Variants in BLTP3A observed in about 807,000 individuals in gnomAD.
The protein encoded by BLTP3A is ICBP90 binding protein 1.
chr6:34,811,786 GA>G, the BLTP3A span, among the ~76,000 whole-genome samples: 1 of 151,938 alleles, frequency 6.6e-6, no homozygotes, highest in Non-Finnish European at 1.5e-5. Context: ...TTGAACCCAG[GA>G]GGTGGTTTGT....
the BLTP3A span, chr6:34,836,281 C>T: frequency 3.1e-6 from 5 of 1,614,204 alleles, no homozygotes; most frequent in Admixed American, 1.7e-5. Flanking sequence ...TGAAAGAGTC[C>T]TCCTACCATC....
the BLTP3A span, chr6:34,877,087 C>T: frequency 6.6e-6 from 1 of 152,564 alleles, no homozygotes; most frequent in African/African-American, 2.4e-5. Context: ...GTGGAATGCC[C>T]CACTGAAGTG....
the BLTP3A span, among the ~76,000 whole-genome samples, chr6:34,852,338 G>A: frequency 4.6e-5 from 7 of 151,658 alleles, no homozygotes; most frequent in Admixed American, 1.3e-4. Flanking sequence ...TTAGTCAGCA[G>A]GCGATGAATC....
chr6:34,827,842 G>C, the BLTP3A span, among the ~76,000 whole-genome samples: 41 of 152,200 alleles, frequency 2.7e-4, no homozygotes, highest in African/African-American at 9.9e-4. Flanking sequence ...ATGTTGCCCA[G>C]GCTGGTCTCG....
the BLTP3A span, among the ~76,000 whole-genome samples, chr6:34,809,921 C>T: frequency 6.6e-6 from 1 of 152,092 alleles, no homozygotes; most frequent in South Asian, 2.1e-4. Flanking sequence ...AGTTGATTGA[C>T]ACATATTTTG....
chr6:34,827,793 G>T, the BLTP3A span, among the ~76,000 whole-genome samples: 1 of 151,984 alleles, frequency 6.6e-6, no homozygotes, highest in Non-Finnish European at 1.5e-5. Context: ...CACCATGCCT[G>T]GCTAATTTTT....
the BLTP3A span, chr6:34,872,039 T>C: frequency 9.4e-7 from 1 of 1,058,702 alleles, no homozygotes; most frequent in South Asian, 1.6e-5. Context: ...TGCATGTGGG[T>C]GTTTTGGGTT....
At chr6:34,820,473 A>C in the BLTP3A span, among the ~76,000 whole-genome samples, 1 of 151,856 alleles carries the variant, frequency 6.6e-6, no homozygotes, top group Admixed American at 6.6e-5. Flanking sequence ...GTTGTTGGTT[A>C]TCTTGGGGTT....
the BLTP3A span, among the ~76,000 whole-genome samples, chr6:34,810,657 A>G: frequency 6.6e-6 from 1 of 151,898 alleles, no homozygotes. Flanking sequence ...TTTTGTAGAG[A>G]TGGGTCTCAC....
the BLTP3A span, chr6:34,856,432 A>T: frequency 6.2e-7 from 1 of 1,605,400 alleles, no homozygotes; most frequent in Non-Finnish European, 8.5e-7. Context: ...GAACTGGAAG[A>T]CTCCAGTTGC....
At chr6:34,852,225 C>T in the BLTP3A span, among the ~76,000 whole-genome samples, 2 of 152,074 alleles carry the variant, frequency 1.3e-5, no homozygotes, top group Admixed American at 1.3e-4. Context: ...GGTAAGAGTG[C>T]ACTGGGTCAC....
chr6:34,845,483 A>G, the BLTP3A span, among the ~76,000 whole-genome samples: 1 of 152,186 alleles, frequency 6.6e-6, no homozygotes, highest in African/African-American at 2.4e-5. Context: ...CAGTGGTACA[A>G]TCATGGCTCA....
chr6:34,818,646 C>CGTTATCCAT, the BLTP3A span, among the ~76,000 whole-genome samples: 9 of 152,048 alleles, frequency 5.9e-5, no homozygotes, highest in African/African-American at 2.2e-4. Flanking sequence ...GAGAAATAAG[C>CGTTATCCAT]GTTATCCATA....
the BLTP3A span, among the ~76,000 whole-genome samples, chr6:34,798,068 C>T: frequency 1.3e-5 from 2 of 152,176 alleles, no homozygotes; most frequent in Admixed American, 6.5e-5. Context: ...TGTCTCCTTC[C>T]AGTCATTATC....
chr6:34,869,707 G>C, the BLTP3A span, among the ~76,000 whole-genome samples: 1 of 135,236 alleles, frequency 7.4e-6, no homozygotes, highest in Admixed American at 8.4e-5. Flanking sequence ...CCGGAGTGCA[G>C]TGGTTGCAAT....
At chr6:34,854,028 C>T in the BLTP3A span, among the ~76,000 whole-genome samples, 1 of 152,052 alleles carries the variant, frequency 6.6e-6, no homozygotes, top group Admixed American at 6.6e-5. Flanking sequence ...TCGAGACTAG[C>T]CCGACCAACA....
chr6:34,833,100 A>G, the BLTP3A span, among the ~76,000 whole-genome samples: 3 of 152,202 alleles, frequency 2.0e-5, no homozygotes, highest in African/African-American at 7.2e-5. Context: ...TTGATCCTTG[A>G]ATAGCACAAG....
chr6:34,796,895 G>T, the BLTP3A span, among the ~76,000 whole-genome samples: 1 of 152,180 alleles, frequency 6.6e-6, no homozygotes, highest in Non-Finnish European at 1.5e-5. Flanking sequence ...AGTAGAGATG[G>T]GGTTTCATCA....
At chr6:34,806,388 C>G in the BLTP3A span, among the ~76,000 whole-genome samples, 1 of 152,160 alleles carries the variant, frequency 6.6e-6, no homozygotes, top group Non-Finnish European at 1.5e-5. Flanking sequence ...CTCTTAGGTA[C>G]GTGTTCGTGC....
Sources: allele counts gnomAD v4.1 joint callset (sites outside exome capture counted in the v4.1 genomes callset), GRCh38; gene constraint gnomAD v4.1.1; transcripts MANE v1.5; gene names NCBI Gene and HGNC (gene_info 2026-07-23, HGNC 2026-07-21).